Variants in ARHGAP10 observed in about 807,000 individuals in gnomAD.
The protein encoded by ARHGAP10 is rho GTPase-activating protein 10.
Under a neutral mutation model 108.6 loss-of-function variants are expected in ARHGAP10, and 87 were observed. The ratio of observed to expected loss-of-function variants is 0.80; its 90% CI spans 0.67 to 0.96. The LOEUF is 0.96. ARHGAP10 is among the 40% of genes least tolerant of loss of function. The probability of loss-of-function intolerance (pLI) is 0.00; values close to 1 mark genes in which losing one functional copy is unlikely to be tolerated. For synonymous variants in ARHGAP10, 347 were observed against 341.1 expected, an observed-to-expected ratio of 1.02 and a Z score of -0.19; for missense variants, 939 against 954.5, an observed-to-expected ratio of 0.98 and a Z score of 0.21.
intron 8 of ARHGAP10, among the ~76,000 whole-genome samples, chr4:147,876,732 A>G (rs1560804807): frequency 1.3e-5 from 2 of 152,260 alleles, no homozygotes; most frequent in South Asian, 4.1e-4. Flanking sequence ...TTTGAGAGAA[A>G]TTGGACTGAA....
intron 13 of ARHGAP10, among the ~76,000 whole-genome samples, chr4:147,936,545 G>T (rs1737950818): frequency 6.6e-6 from 1 of 151,494 alleles, no homozygotes; most frequent in Non-Finnish European, 1.5e-5. Flanking sequence ...TAGCCAGGAT[G>T]GTCTCGATCT....
chr4:147,755,080 C>T (rs1404463771), intron 1 of ARHGAP10, among the ~76,000 whole-genome samples: 1 of 145,512 alleles, frequency 6.9e-6, no homozygotes, highest in Non-Finnish European at 1.5e-5. Flanking sequence ...GAAACTCCGT[C>T]TCAAAAAAAA....
At chr4:147,991,377 A>G (rs1344505578) in intron 18 of ARHGAP10, among the ~76,000 whole-genome samples, 1 of 152,170 alleles carries the variant, frequency 6.6e-6, no homozygotes, top group African/African-American at 2.4e-5. Flanking sequence ...TGGCATCTGC[A>G]GCAATCCAAA....
intron 20 of ARHGAP10, among the ~76,000 whole-genome samples, chr4:148,049,871 G>T (rs1296191340): frequency 6.8e-6 from 1 of 147,184 alleles, no homozygotes; most frequent in South Asian, 2.2e-4. Flanking sequence ...TGGTGGTGGC[G>T]GTGGGAGGGT....
At chr4:147,923,562 A>G (rs968979029) in intron 13 of ARHGAP10, among the ~76,000 whole-genome samples, 3 of 152,254 alleles carry the variant, frequency 2.0e-5, no homozygotes, top group East Asian at 1.9e-4. Flanking sequence ...TGGCATTAAA[A>G]TGTCGATCTA....
rs572510159 is a variant in ARHGAP10, at chr4:148,059,642, C to CA, written c.2028-3498dup. Among the ~76,000 whole-genome samples the CA allele has an allele frequency of 7.9e-5, 12 of 151,646 alleles. No homozygotes were observed. In the South Asian group the frequency reaches 1.3e-3, roughly 16 times the overall value. On this transcript the variant is annotated intron_variant, in intron 20 of 22. Transcript: ENST00000336498. ...GGGCTCTCCCCTGAACCACAGAGTA[C>CA]AAAAAAAATGATCTGGTGAGTGTTT...
rs558745394 is a variant in ARHGAP10, at chr4:148,006,384, G to A, written c.1717-16879G>A. Among the ~76,000 whole-genome samples, 27 of 152,348 alleles carry A rather than the reference G, an allele frequency of 1.8e-4. No homozygotes were observed. In the East Asian group the frequency reaches 2.7e-3, roughly 15 times the overall value. On this transcript the variant is annotated intron_variant, in intron 18 of 22. Coordinates refer to ENST00000336498, the MANE Select transcript of ARHGAP10 (RefSeq NM_024605.4). ...AGCTGACAACGAAAATGGTGGGAAC[G>A]TCAAATATATGACCCTTGTCAGCCT...
chr4:147,878,450 A>G (rs753641822), intron 8 of ARHGAP10, among the ~76,000 whole-genome samples: 4 of 152,172 alleles, frequency 2.6e-5, no homozygotes, highest in Non-Finnish European at 5.9e-5. Context: ...GCTGCTTACT[A>G]GGATGCTGTT....
chr4:148,011,418 A>C (rs1017469476), intron 18 of ARHGAP10, among the ~76,000 whole-genome samples: 17 of 152,184 alleles, frequency 1.1e-4, no homozygotes, highest in Admixed American at 6.5e-4. Context: ...GGGCTGACTC[A>C]CAGGCTGGGC....
intron 1 of ARHGAP10, among the ~76,000 whole-genome samples, chr4:147,748,898 G>A (rs1729037493): frequency 6.6e-6 from 1 of 152,158 alleles, no homozygotes. Flanking sequence ...GATTGATGCT[G>A]CAGTGAGCTG....
intron 18 of ARHGAP10, among the ~76,000 whole-genome samples, chr4:147,994,286 C>A (rs1185970392): frequency 1.3e-5 from 2 of 152,106 alleles, no homozygotes; most frequent in African/African-American, 4.8e-5. Flanking sequence ...AAAGGAAATC[C>A]CTGTATTTGA....
intron 20 of ARHGAP10, among the ~76,000 whole-genome samples, chr4:148,049,727 T>C (rs1729040216): frequency 6.6e-6 from 1 of 152,036 alleles, no homozygotes; most frequent in South Asian, 2.1e-4. Flanking sequence ...TATTTGATAT[T>C]TATATGGAAT....
intron 3 of ARHGAP10, among the ~76,000 whole-genome samples, chr4:147,833,732 T>C (rs1001253877): frequency 6.6e-6 from 1 of 152,202 alleles, no homozygotes; most frequent in Admixed American, 6.5e-5. Context: ...ATTTCAAGAT[T>C]AGCAGGATTT....
chr4:147,916,625 C>T (rs1228372061), intron 13 of ARHGAP10: 1 of 152,212 alleles, frequency 6.6e-6, no homozygotes, highest in African/African-American at 2.4e-5. Flanking sequence ...TAATTGCATT[C>T]ACAGGAGCAA....
At position 147,739,864 on chromosome 4, in the gene ARHGAP10, T is replaced by C. The variant is rs1349522002; in HGVS notation, c.154+7409T>C. 2.1e-5 allele frequency among the ~76,000 whole-genome samples: 3 copies of C among 143,896 alleles called. No homozygotes were observed. In the Admixed American group the frequency reaches 2.1e-4, roughly 10 times the overall value. The allele number at this position is 143,896 out of a possible 152,430, so 94.4% of individuals were successfully genotyped here. On this transcript the variant is annotated intron_variant, in intron 1 of 22. Transcript: ENST00000336498. ...GATTCTCCCGCCTCAGCCTCCCAAGTAGCTGGGATTACAGGCGCCTGCCAC... is the reference window on the plus strand; with the variant it reads ...GATTCTCCCGCCTCAGCCTCCCAAGCAGCTGGGATTACAGGCGCCTGCCAC...
At chr4:147,739,494 C>T (rs540350953) in intron 1 of ARHGAP10, among the ~76,000 whole-genome samples, 117 of 152,172 alleles carry the variant, frequency 7.7e-4, no homozygotes, top group African/African-American at 2.5e-3. Context: ...TTTTTGAGGA[C>T]GTGAACTCAA....
chr4:147,805,955 C>T (rs996097028), intron 1 of ARHGAP10, among the ~76,000 whole-genome samples: 1 of 152,154 alleles, frequency 6.6e-6, no homozygotes, highest in African/African-American at 2.4e-5. Context: ...TACTCTCCAA[C>T]CCTGAAGGCT....
At chr4:147,840,705 T>C (rs1416252629) in intron 3 of ARHGAP10, among the ~76,000 whole-genome samples, 2 of 152,174 alleles carry the variant, frequency 1.3e-5, no homozygotes, top group African/African-American at 4.8e-5. Context: ...CGAGACATCT[T>C]GCACACCTGA....
At chr4:147,900,520 A>G (rs1264251388) in intron 10 of ARHGAP10, among the ~76,000 whole-genome samples, 1 of 152,126 alleles carries the variant, frequency 6.6e-6, no homozygotes, top group Non-Finnish European at 1.5e-5. Context: ...ATCAGTTCTG[A>G]CTTGCTGTAT....
Sources: allele counts gnomAD v4.1 joint callset (sites outside exome capture counted in the v4.1 genomes callset), GRCh38; gene constraint gnomAD v4.1.1; transcripts MANE v1.5; gene names NCBI Gene and HGNC (gene_info 2026-07-23, HGNC 2026-07-21).